The following RALYL variants were observed in gnomAD, a reference collection of about 807,000 sequenced individuals.
RALYL encodes RALY RNA binding protein like.
A neutral mutation model predicts 35.1 loss-of-function variants in RALYL; 29 were observed. The observed-to-expected ratio is 0.83, with a 90% CI of 0.61 to 1.13. RALYL has a LOEUF of 1.13. Among genes scored for constraint, RALYL ranks in the 50% most tolerant of loss-of-function variants. The probability of loss-of-function intolerance (pLI) is 0.00; values close to 1 mark genes in which losing one functional copy is unlikely to be tolerated. For missense variants in RALYL, 359 were observed against 360.4 expected (o/e 1.00, Z 0.03); for synonymous variants, 120 against 127.6 (o/e 0.94, Z 0.40).
At position 84,887,696 on chromosome 8, in the gene RALYL, G is replaced by A. The variant is rs373144797; in HGVS notation, c.778G>A (p.Glu260Lys). Reference sequence around the variant, plus strand: ...AGATCACTCTACAGAGGAGCCTGCTGAAGGAGGGCCAGATGCCGATGGAGA... The same window carrying A: ...AGATCACTCTACAGAGGAGCCTGCTAAAGGAGGGCCAGATGCCGATGGAGA... ...IADHSTEEPA[E>K]GGPDADGEEM... Residue 260 changes from glutamate (E) to lysine (K), a missense_variant, in exon 8 of 9, where the codon GAA becomes AAA. Physicochemically the swap from Glu to Lys is moderately conservative, Grantham distance 56. Coordinates refer to ENST00000521268, the MANE Select transcript of RALYL (RefSeq NM_173848.7). 1 of 1,613,826 alleles carries A rather than the reference G, an allele frequency of 6.2e-7. No homozygotes were observed. The highest frequency in any genetic ancestry group is 8.5e-7 in the Non-Finnish European group (1 of 1,179,854).
intron 2 of RALYL, among the ~76,000 whole-genome samples, chr8:84,682,202 G>C (rs1212835983): frequency 1.3e-5 from 2 of 152,120 alleles, no homozygotes; most frequent in African/African-American, 2.4e-5. Flanking sequence ...ACTTGATCAT[G>C]GTGGATAAGC....
At chr8:84,641,160 A>T (rs1452204850) in intron 2 of RALYL, among the ~76,000 whole-genome samples, 1 of 151,298 alleles carries the variant, frequency 6.6e-6, no homozygotes, top group Non-Finnish European at 1.5e-5. Flanking sequence ...AATATATTTT[A>T]TATTGATAAC....
At chr8:84,748,564 C>T (rs1809202278) in intron 2 of RALYL, among the ~76,000 whole-genome samples, 2 of 151,994 alleles carry the variant, frequency 1.3e-5, no homozygotes, top group Non-Finnish European at 2.9e-5. Context: ...TTTTTGAAGC[C>T]AGTAACTACT....
intron 1 of RALYL, among the ~76,000 whole-genome samples, chr8:84,358,411 T>C (rs1372211211): frequency 2.0e-5 from 3 of 152,058 alleles, no homozygotes; most frequent in African/African-American, 7.2e-5. Context: ...TCTGTGTGTG[T>C]GCACATGCAA....
intron 2 of RALYL, among the ~76,000 whole-genome samples, chr8:84,761,052 T>C (rs1301320324): frequency 1.3e-5 from 2 of 152,020 alleles, no homozygotes; most frequent in Non-Finnish European, 2.9e-5. Flanking sequence ...ATAAAAATAT[T>C]GGGGCTAAAA....
intron 1 of RALYL, among the ~76,000 whole-genome samples, chr8:84,220,874 T>C (rs890745140): frequency 2.6e-5 from 4 of 151,974 alleles, no homozygotes; most frequent in African/African-American, 9.7e-5. Flanking sequence ...ATATTTACTT[T>C]ATTAATATAA....
intron 3 of RALYL, among the ~76,000 whole-genome samples, chr8:84,789,964 T>C (rs1302739838): frequency 2.0e-5 from 3 of 152,170 alleles, no homozygotes; most frequent in Non-Finnish European, 4.4e-5. Context: ...AGGTATCCAT[T>C]TTAACTGAAA....
At chr8:84,890,190 G>T (rs1843584624) in intron 8 of RALYL, among the ~76,000 whole-genome samples, 1 of 152,108 alleles carries the variant, frequency 6.6e-6, no homozygotes, top group Admixed American at 6.6e-5. Context: ...AAGAGAAAGA[G>T]AAAAGATCCC....
intron 4 of RALYL, among the ~76,000 whole-genome samples, chr8:84,828,333 G>A (rs1247925243): frequency 1.3e-5 from 2 of 152,192 alleles, no homozygotes; most frequent in African/African-American, 4.8e-5. Context: ...AAAGATTCAA[G>A]TTATCCCTTT....
intron 2 of RALYL, among the ~76,000 whole-genome samples, chr8:84,536,511 CA>C (rs1329984640): frequency 6.6e-6 from 1 of 152,158 alleles, no homozygotes; most frequent in East Asian, 1.9e-4. Context: ...CTAGCAAGGA[CA>C]GATTGACAGA....
intron 2 of RALYL, among the ~76,000 whole-genome samples, chr8:84,740,990 A>G (rs1054915489): frequency 2.0e-5 from 3 of 152,018 alleles, no homozygotes; most frequent in Non-Finnish European, 4.4e-5. Flanking sequence ...CTTGCAAGAA[A>G]AAAACAAAGG....
chr8:84,336,714 T>C (rs1001143177), intron 1 of RALYL, among the ~76,000 whole-genome samples: 2 of 152,090 alleles, frequency 1.3e-5, no homozygotes, highest in East Asian at 3.9e-4. Context: ...TATTTCCTTT[T>C]CGTGGTATTA....
chr8:84,646,347 T>G (rs1447980105), intron 2 of RALYL, among the ~76,000 whole-genome samples: 1 of 152,084 alleles, frequency 6.6e-6, no homozygotes, highest in African/African-American at 2.4e-5. Context: ...GATTCTCATT[T>G]TATTTCTTCC....
chr8:84,667,228 C>A (rs1180490693), intron 2 of RALYL, among the ~76,000 whole-genome samples: 1 of 151,636 alleles, frequency 6.6e-6, no homozygotes, highest in Non-Finnish European at 1.5e-5. Context: ...TTAGCTAAAT[C>A]TAGAGACTTG....
intron 1 of RALYL, among the ~76,000 whole-genome samples, chr8:84,440,766 G>A (rs187484111): frequency 6.6e-6 from 1 of 151,912 alleles, no homozygotes; most frequent in Non-Finnish European, 1.5e-5. Context: ...CTGTTTGAGG[G>A]ATATTTGAGT....
chr8:84,450,121 T>C (rs1016589273), intron 1 of RALYL, among the ~76,000 whole-genome samples: 1 of 151,880 alleles, frequency 6.6e-6, no homozygotes, highest in Admixed American at 6.6e-5. Context: ...TTTATAGATA[T>C]TGCTCCAGAA....
intron 2 of RALYL, among the ~76,000 whole-genome samples, chr8:84,766,101 T>C (rs1813880031): frequency 6.6e-6 from 1 of 152,154 alleles, no homozygotes; most frequent in Admixed American, 6.5e-5. Context: ...TACGTTTAAC[T>C]TTTAAAATGA....
At chr8:84,290,952 C>G (rs1453412872) in intron 1 of RALYL, among the ~76,000 whole-genome samples, 1 of 128,916 alleles carries the variant, frequency 7.8e-6, no homozygotes, top group Non-Finnish European at 1.6e-5. Flanking sequence ...TTCTATAATA[C>G]TTTTGATATC....
rs576844613 is a variant in RALYL at position 84,568,126 on chromosome 8, G to T, written c.256+38549G>T. Among the ~76,000 whole-genome samples the T allele has an allele frequency of 6.0e-5, 9 of 150,500 alleles. No individual in the cohort carries two copies. The East Asian group carries it at 1.8e-3, about 30-fold the overall frequency. On this transcript the variant is annotated intron_variant, in intron 2 of 8. Coordinates refer to ENST00000521268, the MANE Select transcript of RALYL (RefSeq NM_173848.7). ...AGGTTTGTTACATATGTATACATGC[G>T]CCATGTTGGGGTGCTGCACCCATTA...
Sources: gnomAD v4.1 joint callset for allele counts (sites outside exome capture counted in the v4.1 genomes callset) on GRCh38, gnomAD v4.1.1 for gene constraint, MANE v1.5 for transcripts, NCBI Gene and HGNC (gene_info 2026-07-23, HGNC 2026-07-21) for gene names.